Variants in LPAR5 observed in about 807,000 individuals in gnomAD.
LPAR5 encodes G protein-coupled receptor 92.
For missense variants in LPAR5, 544 were observed against 521.8 expected, an observed-to-expected ratio of 1.04 and a Z score of -0.41; for synonymous variants, 271 against 261.6, an observed-to-expected ratio of 1.04 and a Z score of -0.35.
intron 1 of LPAR5, among the ~76,000 whole-genome samples, chr12:6,630,215 C>A (rs1948972478): frequency 6.6e-6 from 1 of 151,440 alleles, no homozygotes; most frequent in Admixed American, 6.6e-5. Context: ...CCTCCGCCTC[C>A]TGGGTTCAAG....
At chr12:6,625,942 A>C (rs1948936612) in intron 1 of LPAR5, among the ~76,000 whole-genome samples, 1 of 152,124 alleles carries the variant, frequency 6.6e-6, no homozygotes, top group South Asian at 2.1e-4. Flanking sequence ...TTGGACCTAC[A>C]GGCGTGTGCC....
chr12:6,631,040 T>C (rs777813468), intron 1 of LPAR5, among the ~76,000 whole-genome samples: 18 of 152,062 alleles, frequency 1.2e-4, no homozygotes, highest in African/African-American at 1.7e-4. Flanking sequence ...CAATCCTGCC[T>C]TGAAGAAGAG....
chr12:6,630,153 C>T (rs1049666496), intron 1 of LPAR5, among the ~76,000 whole-genome samples: 1 of 151,710 alleles, frequency 6.6e-6, no homozygotes, highest in Non-Finnish European at 1.5e-5. Flanking sequence ...TGGATACAGT[C>T]TCACTTCGTT....
intron 1 of LPAR5, among the ~76,000 whole-genome samples, chr12:6,625,413 T>G (rs1459479943): frequency 8.1e-5 from 6 of 73,730 alleles, no homozygotes; most frequent in African/African-American, 2.6e-4. Flanking sequence ...CAACAGAGAC[T>G]CCGTCTCAAA....
chr12:6,619,088 A>C lies in LPAR5; in HGVS notation c.*1042T>G, dbSNP rs1171061846. 1 of 152,208 alleles carries C rather than the reference A, an allele frequency of 6.6e-6. No individual in the cohort carries two copies. Among genetic ancestry groups the C allele is most frequent in the Non-Finnish European group, 1.5e-5 (1 of 68,048 alleles). 9.4% of individuals were successfully genotyped at this position (152,208 alleles called of 1,614,324 possible). A position where few individuals can be genotyped will look rare whatever the true frequency, so the allele number is the denominator to read the frequency against. On this transcript the variant is annotated 3_prime_UTR_variant, in exon 2 of 2. Transcript: ENST00000329858. ...TCACAAGTATACTGTAGAGTTTTCC[A>C]GAGGCTTCATGAAGTGTGTGTGGTG...
intron 1 of LPAR5, among the ~76,000 whole-genome samples, chr12:6,621,988 C>T (rs1160434529): frequency 1.3e-5 from 2 of 151,060 alleles, no homozygotes; most frequent in African/African-American, 2.4e-5. Context: ...ATTAGCTGGG[C>T]GTGGTGGTGC....
At position 6,624,034 on chromosome 12, in the gene LPAR5, C is replaced by T. The variant is rs117857620; in HGVS notation, c.-216-2570G>A. The stretch of plus-strand genomic sequence containing the variant: ...GCCTTACGCATCACATGCATCACTG[C>T]GCCTGTGAGGGCTGGATTTGTGGTC... On this transcript the variant is annotated intron_variant, in intron 1 of 1. Coordinates refer to ENST00000329858, the MANE Select transcript of LPAR5 (RefSeq NM_020400.6). Among the ~76,000 whole-genome samples, 672 of 152,268 alleles carry T rather than the reference C, an allele frequency of 4.4e-3. 1 individual carries two copies. The highest frequency in any genetic ancestry group is 7.1e-3 in the Non-Finnish European group (484 of 68,022).
intron 1 of LPAR5, among the ~76,000 whole-genome samples, chr12:6,629,014 G>C (rs866564730): frequency 6.7e-6 from 1 of 149,638 alleles, no homozygotes; most frequent in Non-Finnish European, 1.5e-5. Flanking sequence ...CAGGTAATCC[G>C]CCTGCCTTGG....
At chr12:6,627,408 G>A (rs561744119) in intron 1 of LPAR5, among the ~76,000 whole-genome samples, 1 of 152,268 alleles carries the variant, frequency 6.6e-6, no homozygotes, top group East Asian at 1.9e-4. Context: ...TGGCCAACAT[G>A]GTGAAACCTC....
chr12:6,635,647 C>T (rs940054933), intron 1 of LPAR5, among the ~76,000 whole-genome samples: 8 of 152,132 alleles, frequency 5.3e-5, no homozygotes, highest in Non-Finnish European at 7.3e-5. Flanking sequence ...ACAGCCTCTG[C>T]GAGATGCCCC....
intron 1 of LPAR5, among the ~76,000 whole-genome samples, chr12:6,626,098 C>T (rs1056465483): frequency 2.6e-5 from 4 of 152,166 alleles, no homozygotes; most frequent in East Asian, 1.9e-4. Flanking sequence ...GGTGAAACCT[C>T]GTCTCTACTA....
Position 6,620,632 on chromosome 12 carries a change from G to C in LPAR5, c.617C>G (p.Ala206Gly), listed in dbSNP as rs766201205. 4.5e-6 allele frequency: 7 copies of C among 1,552,762 alleles called. No homozygotes were observed. The highest frequency in any genetic ancestry group is 6.1e-6 in the Non-Finnish European group (7 of 1,148,952). Reference protein sequence around the residue: ...EALGFLLPLAAVVYSSGRVFW... With the variant: ...EALGFLLPLAGVVYSSGRVFW... ...GACTCGGCCCGACGAGTAGACCACC[G>C]CCGCCAGGGGCAGCAGGAAGCCCAG... is the stretch of plus-strand genomic sequence containing the variant. The change falls in exon 2 of 2, where the codon GCG (alanine) becomes GGG (glycine). Residue 206 changes from alanine to glycine, a missense_variant. Transcript: ENST00000329858. This position sits in a 1 kb window ranked among gnomAD's most constrained non-coding sequence, Gnocchi z 6.8.
At chr12:6,626,958 T>C (rs1159461481) in intron 1 of LPAR5, among the ~76,000 whole-genome samples, 1 of 152,220 alleles carries the variant, frequency 6.6e-6, no homozygotes, top group Non-Finnish European at 1.5e-5. Context: ...CCATGGCTTA[T>C]TCATCTTTGT....
Position 6,623,288 on chromosome 12 carries a change from C to T in LPAR5, c.-216-1824G>A, listed in dbSNP as rs111872063. On this transcript the variant is annotated intron_variant, in intron 1 of 1. Coordinates refer to ENST00000329858, the MANE Select transcript of LPAR5 (RefSeq NM_020400.6). Reference sequence around the variant, plus strand: ...GTACCTCATGCCTGTGATCTCAGCACTTTGGGAGGCTGATGTGGGTGGATT... The same window carrying T: ...GTACCTCATGCCTGTGATCTCAGCATTTTGGGAGGCTGATGTGGGTGGATT... Among the ~76,000 whole-genome samples the T allele has an allele frequency of 1.2e-3, 179 of 150,956 alleles. 1 individual carries two copies. Among genetic ancestry groups the T allele is most frequent in the African/African-American group, 3.9e-3 (159 of 41,074 alleles).
Position 6,620,130 on chromosome 12 carries a change from T to G in LPAR5, c.1119A>C (p.Ter373CysextTer80), listed in dbSNP as rs1948875532. ...ACGGACAGCGCAATGGCATGTGTGT[T>G]CAGAGGGCGGAATCCTGGGGACACT... ...FTQCPQDSAL* is the reference protein window; with the variant it reads ...FTQCPQDSALC The change falls in exon 2 of 2, where the codon TGA becomes TGC. Residue 373 changes from the stop codon to cysteine (C), a stop_lost. Transcript: ENST00000329858. The surrounding 1 kb of genome is among the most constrained non-coding windows in gnomAD (Gnocchi z 6.8). 1 of 1,613,668 alleles carries G rather than the reference T, an allele frequency of 6.2e-7. No homozygotes were observed. Among genetic ancestry groups the G allele is most frequent in the Admixed American group, 1.7e-5 (1 of 59,992 alleles).
chr12:6,625,911 C>T (rs377698982), intron 1 of LPAR5, among the ~76,000 whole-genome samples: 2 of 152,134 alleles, frequency 1.3e-5, no homozygotes, highest in East Asian at 3.9e-4. Flanking sequence ...AAGTGATCCT[C>T]TTACCTCAGT....
At chr12:6,626,099 G>A (rs552444457) in intron 1 of LPAR5, among the ~76,000 whole-genome samples, 89 of 152,166 alleles carry the variant, frequency 5.8e-4, no homozygotes, top group African/African-American at 1.7e-3. Context: ...GTGAAACCTC[G>A]TCTCTACTAA....
At position 6,620,222 on chromosome 12, in the gene LPAR5, T is replaced by G; in HGVS notation, c.1027A>C (p.Arg343=). 1 of 1,612,370 alleles carries G rather than the reference T, an allele frequency of 6.2e-7. No homozygotes were observed. Among genetic ancestry groups the G allele is most frequent in the African/African-American group, 1.3e-5 (1 of 75,052 alleles). ...AGCCCCTGACTGGCGGCATCCGGCC[T>G]GGTGGCGTCGGTGGTGACGGCGGAC... The part of the protein sequence containing the change: ...ERSAVTTDAT[R]PDAASQGLLR... The change falls in exon 2 of 2, where the codon AGG becomes CGG. Residue 343 remains arginine (R), a synonymous_variant. Coordinates refer to ENST00000329858, the MANE Select transcript of LPAR5 (RefSeq NM_020400.6). This position sits in a 1 kb window ranked among gnomAD's most constrained non-coding sequence, Gnocchi z 6.8.
chr12:6,621,189 A>AGTCAGGC lies in LPAR5; in HGVS notation c.59_60insGCCTGAC (p.Thr21ProfsTer45). 6.4e-7 allele frequency: 1 copy of AGTCAGGC among 1,557,416 alleles called. No homozygotes were observed. Among genetic ancestry groups the AGTCAGGC allele is most frequent in the Non-Finnish European group, 8.7e-7 (1 of 1,152,332 alleles). On this transcript the variant is annotated frameshift_variant, in exon 2 of 2. Transcript: ENST00000329858. LOFTEE classifies it low-confidence loss of function (END_TRUNC). ...AGACCACCAAGTGCAGGCGGTGGGT[A>AGTCAGGC]GGTCGGTAGTCAGGACACGGGAGAA...
Sources: gnomAD v4.1 joint callset for allele counts (sites outside exome capture counted in the v4.1 genomes callset) on GRCh38, gnomAD v4.1.1 for gene constraint, Gnocchi (gnomAD v3.1) non-coding constraint, MANE v1.5 for transcripts, NCBI Gene and HGNC (gene_info 2026-07-23, HGNC 2026-07-21) for gene names.